The following ADAM32 variants were observed in gnomAD, a reference collection of about 807,000 sequenced individuals.
ADAM32 encodes the protein ADAM metallopeptidase domain 32, also known as disintegrin and metalloproteinase domain-containing protein 32.
Under a neutral mutation model 114.9 loss-of-function variants are expected in ADAM32, and 89 were observed. The observed-to-expected ratio is 0.77, with a 90% CI of 0.65 to 0.92. The LOEUF is 0.92. Ranked by LOEUF, ADAM32 falls within the 40% of genes least tolerant of loss-of-function variation. The pLI is 0.00. For synonymous variants in ADAM32, 285 were observed against 307.5 expected (o/e 0.93, Z 0.77); for missense variants, 870 against 932.8 (o/e 0.93, Z 0.88).
chr8:39,211,929 A>G (rs1808249694), intron 12 of ADAM32, among the ~76,000 whole-genome samples: 1 of 152,188 alleles, frequency 6.6e-6, no homozygotes, highest in South Asian at 2.1e-4. Context: ...TACTTGAACC[A>G]TATCACATTA....
In ADAM32 at chr8:39,274,382, A is replaced by G. The variant is rs185535084; in HGVS notation, c.2240+32A>G. The G allele has an allele frequency of 3.0e-5, 48 of 1,592,148 alleles. No homozygotes were observed. The Admixed American group carries it at 8.1e-4, about 27-fold the overall frequency. On this transcript the variant is annotated intron_variant, in intron 21 of 24. Coordinates refer to ENST00000379907, the MANE Select transcript of ADAM32 (RefSeq NM_145004.7). ...AGGTTAGAAGAGGTTTTTAAGATAC[A>G]TGTTGAAAATTAAGAATTTATTGAT...
chr8:39,209,028 G>A (rs1471374509), intron 11 of ADAM32, among the ~76,000 whole-genome samples: 1 of 151,714 alleles, frequency 6.6e-6, no homozygotes, highest in Admixed American at 6.6e-5. Context: ...TCTTACATTT[G>A]CTATCTCACT....
At chr8:39,279,840 A>G (rs2129451707) in intron 22 of ADAM32, among the ~76,000 whole-genome samples, 1 of 152,214 alleles carries the variant, frequency 6.6e-6, no homozygotes, top group Non-Finnish European at 1.5e-5. Context: ...AAGGGCAGTG[A>G]TTGTTCTCAT....
intron 12 of ADAM32, among the ~76,000 whole-genome samples, chr8:39,214,383 AATGAG>A (rs1808425342): frequency 6.6e-6 from 1 of 152,128 alleles, no homozygotes; most frequent in Non-Finnish European, 1.5e-5. Context: ...AGCCATTTTA[AATGAG>A]ATGAGATGAT....
chr8:39,172,576 C>T (rs1474030068), intron 10 of ADAM32, among the ~76,000 whole-genome samples: 2 of 152,154 alleles, frequency 1.3e-5, no homozygotes, highest in African/African-American at 4.8e-5. Flanking sequence ...TGAGAACATG[C>T]AGTGTTTAGT....
chr8:39,248,632 C>T (rs1310020297), intron 17 of ADAM32, among the ~76,000 whole-genome samples: 1 of 152,080 alleles, frequency 6.6e-6, no homozygotes, highest in Admixed American at 6.5e-5. Flanking sequence ...CATATATGAA[C>T]AAAGACAGTT....
In ADAM32 at chr8:39,169,902, A is replaced by G. The variant is rs1413559637; in HGVS notation, c.834-14A>G. On this transcript the variant is annotated splice_polypyrimidine_tract_variant and intron_variant, in intron 9 of 24. Transcript: ENST00000379907. Reference sequence around the variant, plus strand: ...CTGTTAAAATCAATTATAAATGTAAATTTATTTATTTAGTTATATGGATTA... The same window carrying G: ...CTGTTAAAATCAATTATAAATGTAAGTTTATTTATTTAGTTATATGGATTA... 6.6e-7 allele frequency: 1 copy of G among 1,507,150 alleles called. No homozygotes were observed. The highest frequency in any genetic ancestry group is 1.3e-5 in the South Asian group (1 of 79,840). 93.4% of individuals were successfully genotyped at this position (1,507,150 alleles called of 1,614,324 possible). A position where few individuals can be genotyped will look rare whatever the true frequency, so the allele number is the denominator to read the frequency against.
chr8:39,204,647 A>C (rs1442394088), intron 11 of ADAM32, among the ~76,000 whole-genome samples: 1 of 152,124 alleles, frequency 6.6e-6, no homozygotes, highest in Non-Finnish European at 1.5e-5. Flanking sequence ...CATTCTCCAT[A>C]CAGCTTTGTT....
intron 4 of ADAM32, among the ~76,000 whole-genome samples, chr8:39,148,030 T>G (rs995513765): frequency 2.6e-5 from 4 of 152,026 alleles, no homozygotes; most frequent in African/African-American, 9.7e-5. Context: ...CCACCTGCCT[T>G]GGCCTCCCAC....
chr8:39,235,766 A>G lies in ADAM32; in HGVS notation c.1818+1684A>G, dbSNP rs560458252. 8.5e-5 allele frequency among the ~76,000 whole-genome samples: 13 copies of G among 152,288 alleles called. No homozygotes were observed. In the South Asian group the frequency reaches 2.7e-3, roughly 32 times the overall value. On this transcript the variant is annotated intron_variant, in intron 16 of 24. Coordinates refer to ENST00000379907, the MANE Select transcript of ADAM32 (RefSeq NM_145004.7). ...TTCAACTGAGCCAGGCAGACAGTAGATACTATATTCCAAAAAGACTTGTTA... is the reference window on the plus strand; with the variant it reads ...TTCAACTGAGCCAGGCAGACAGTAGGTACTATATTCCAAAAAGACTTGTTA...
At chr8:39,142,023 T>C (rs995415767) in intron 3 of ADAM32, among the ~76,000 whole-genome samples, 10 of 152,142 alleles carry the variant, frequency 6.6e-5, no homozygotes, top group African/African-American at 2.4e-4. Context: ...CCCTTCTTTT[T>C]CTTTTTTTGT....
At chr8:39,246,005 A>T in intron 16 of ADAM32, 78 bp from the exon 17 acceptor site, 2 of 1,131,968 alleles carry the variant, frequency 1.8e-6, no homozygotes, top group South Asian at 1.3e-5. Context: ...CTTTTATATC[A>T]TATAATTATT....
rs756589690 is a variant in ADAM32 at position 39,186,908 on chromosome 8, G to A, written c.916-1G>A. On this transcript the variant is annotated splice_acceptor_variant, in intron 10 of 24. Coordinates refer to ENST00000379907, the MANE Select transcript of ADAM32 (RefSeq NM_145004.7). LOFTEE classifies it high-confidence loss of function. ...TAGAATTTTCTTTGTTGTTATTATA[G>A]TACCCCAAGGAGATAACTCTGGAGG... The A allele has an allele frequency of 1.3e-6, 2 of 1,586,418 alleles. No homozygotes were observed. Among genetic ancestry groups the A allele is most frequent in the Non-Finnish European group, 1.7e-6 (2 of 1,168,784 alleles).
intron 18 of ADAM32, among the ~76,000 whole-genome samples, 169 bp from the exon 19 acceptor site, chr8:39,257,018 G>A (rs545655188): frequency 5.3e-5 from 8 of 152,074 alleles, no homozygotes; most frequent in South Asian, 4.1e-4. Context: ...AGAATGAAAC[G>A]TTGTACAGGT....
intron 16 of ADAM32, among the ~76,000 whole-genome samples, chr8:39,234,414 A>C (rs1809965991): frequency 6.6e-6 from 1 of 152,114 alleles, no homozygotes; most frequent in Non-Finnish European, 1.5e-5. Context: ...GAAAGAAGAA[A>C]TCTCACTTAG....
intron 12 of ADAM32, among the ~76,000 whole-genome samples, chr8:39,216,355 A>C (rs1292003048): frequency 6.6e-6 from 1 of 151,972 alleles, no homozygotes; most frequent in African/African-American, 2.4e-5. Context: ...AAATTCGTTC[A>C]GCCACTCTTT....
At chr8:39,186,642 AT>A (rs1351311525) in intron 10 of ADAM32, among the ~76,000 whole-genome samples, 2 of 152,114 alleles carry the variant, frequency 1.3e-5, no homozygotes, top group African/African-American at 2.4e-5. Flanking sequence ...TATCAAAACA[AT>A]TTTTTTATAT....
At chr8:39,219,285 C>G (rs1808790786) in intron 12 of ADAM32, among the ~76,000 whole-genome samples, 1 of 152,090 alleles carries the variant, frequency 6.6e-6, no homozygotes, top group Non-Finnish European at 1.5e-5. Flanking sequence ...AGGTCACTTG[C>G]CCCTGCAGTC....
At chr8:39,193,305 C>T (rs1456481520) in intron 11 of ADAM32, among the ~76,000 whole-genome samples, 2 of 152,156 alleles carry the variant, frequency 1.3e-5, no homozygotes, top group African/African-American at 4.8e-5. Context: ...TTAATAGTTG[C>T]AATTGCATTA....
Sources: gnomAD v4.1 joint callset for allele counts (sites outside exome capture counted in the v4.1 genomes callset) on GRCh38, gnomAD v4.1.1 for gene constraint, MANE v1.5 for transcripts, NCBI Gene and HGNC (gene_info 2026-07-23, HGNC 2026-07-21) for gene names.